The following MACF1 variants were observed in gnomAD, a reference collection of about 807,000 sequenced individuals.
MACF1 encodes microtubule-actin cross-linking factor 1.
In MACF1, 193 loss-of-function variants were observed where a neutral mutation model predicts 854.8. The observed-to-expected ratio is 0.23, with a 90% CI of 0.20 to 0.25. MACF1 has a LOEUF of 0.25. MACF1 is among the 10% of genes least tolerant of loss of function. MACF1 has a pLI of 1.00. For missense variants in MACF1, 7,722 were observed against 8,929.1 expected (o/e 0.86, Z 5.45); for synonymous variants, 3,185 against 3,226.7 (o/e 0.99, Z 0.44).
At position 39,428,049 on chromosome 1, in the gene MACF1, C is replaced by T; in HGVS notation, c.16565C>T (p.Ala5522Val). 6.2e-7 allele frequency: 1 copy of T among 1,614,234 alleles called. No homozygotes were observed. Among genetic ancestry groups the T allele is most frequent in the Non-Finnish European group, 8.5e-7 (1 of 1,180,028 alleles). ...TCCCTCTCCTCCCTGACATCTCCTG[C>T]AGAACAGGGTGTGCTGTCAGAAAAG... Reference protein sequence around the residue: ...GQSLSSLTSPAEQGVLSEKID... With the variant: ...GQSLSSLTSPVEQGVLSEKID... Residue 5522 changes from alanine (A) to valine (V), a missense_variant, in exon 63 of 101, where the codon GCA (alanine) becomes GTA (valine). Physicochemically the swap from Ala to Val is moderately conservative, Grantham distance 64. Around this residue, in one of 15 missense-constraint regions of MACF1, gnomAD observed 2,807 missense variants for 3,235.8 expected, o/e 0.87. Coordinates refer to ENST00000564288, the MANE Select transcript of MACF1 (RefSeq NM_001394062.1).
intron 53 of MACF1, among the ~76,000 whole-genome samples, 159 bp downstream of exon 53, chr1:39,378,682 G>A (rs190781843): frequency 7.2e-4 from 110 of 152,272 alleles, no homozygotes; most frequent in Middle Eastern, 3.4e-3. Flanking sequence ...GCTGGCTATA[G>A]ACCATAAACA....
At position 39,089,385 on chromosome 1, in the gene MACF1, G is replaced by A. The variant is rs140682331; in HGVS notation, c.220+4947G>A. On this transcript the variant is annotated intron_variant, in intron 2 of 93. Transcript: ENST00000361689. Reference sequence around the variant, plus strand: ...AAAGCATCTATGGGATTCATTCCTAGGAGTATCAGCAAATGCTGCTGAAAT... The same window carrying A: ...AAAGCATCTATGGGATTCATTCCTAAGAGTATCAGCAAATGCTGCTGAAAT... 5.9e-5 allele frequency among the ~76,000 whole-genome samples: 9 copies of A among 152,334 alleles called. No individual in the cohort carries two copies. The East Asian group carries it at 1.7e-3, about 29-fold the overall frequency.
chr1:39,440,415 C>G (rs535230080), intron 72 of MACF1, among the ~76,000 whole-genome samples: 1 of 152,176 alleles, frequency 6.6e-6, no homozygotes, highest in South Asian at 2.1e-4. Flanking sequence ...CCAGGAGTCT[C>G]TTTTTTACCA....
At chr1:39,121,434 G>GTTTTA (rs1029724635) in intron 2 of MACF1, among the ~76,000 whole-genome samples, 2 of 151,992 alleles carry the variant, frequency 1.3e-5, no homozygotes, top group African/African-American at 2.4e-5. Context: ...CGGGTATTTT[G>GTTTTA]TTTTATTTTA....
chr1:39,434,751 C>G (rs1179155266), intron 69 of MACF1, 119 bp downstream of exon 69: 5 of 783,860 alleles, frequency 6.4e-6, no homozygotes, highest in Non-Finnish European at 1.0e-5. Context: ...AATTCTTAAT[C>G]AGTTAGAATT....
chr1:39,328,977 A>G (rs1261087758), intron 36 of MACF1, among the ~76,000 whole-genome samples: 1 of 152,164 alleles, frequency 6.6e-6, no homozygotes, highest in Non-Finnish European at 1.5e-5. Flanking sequence ...TCTCAAAGGG[A>G]TGTTTTTCTT....
intron 2 of MACF1, among the ~76,000 whole-genome samples, chr1:39,108,033 A>C (rs550218426): frequency 1.3e-4 from 20 of 151,072 alleles, no homozygotes; most frequent in Non-Finnish European, 2.9e-4. Flanking sequence ...GTTTTCCAGA[A>C]CTGTGCTTGG....
At chr1:39,393,181 T>TAA (rs1192045357) in intron 58 of MACF1, among the ~76,000 whole-genome samples, 1,373 of 90,150 alleles carry the variant, frequency 0.015, 40 homozygotes, top group East Asian at 0.074. Flanking sequence ...CTGGGAAGGG[T>TAA]AAAAAAAAAA....
chr1:39,183,666 C>A (rs574044018), intron 2 of MACF1, among the ~76,000 whole-genome samples: 2 of 152,300 alleles, frequency 1.3e-5, no homozygotes, highest in East Asian at 3.9e-4. Context: ...CTGTGCCCTA[C>A]CTTAGTTCTT....
chr1:39,121,689 C>T (rs568977051), intron 2 of MACF1, among the ~76,000 whole-genome samples: 15 of 152,310 alleles, frequency 9.8e-5, no homozygotes, highest in African/African-American at 3.4e-4. Flanking sequence ...CTCAGGTAGT[C>T]CGCTCGTCTT....
intron 11 of MACF1, 79 bp from the exon 12 acceptor site, chr1:39,285,004 A>C: frequency 1.9e-6 from 3 of 1,552,878 alleles, no homozygotes; most frequent in Non-Finnish European, 1.8e-6. Context: ...AGAAGCAAGA[A>C]GTGATGTGCA....
chr1:39,356,575 A>T (rs1229345268), intron 44 of MACF1, among the ~76,000 whole-genome samples: 1 of 152,024 alleles, frequency 6.6e-6, no homozygotes, highest in East Asian at 1.9e-4. Context: ...GTTTCACCAT[A>T]TTGGCCAGGA....
At chr1:39,234,795 G>A (rs1439214139) in intron 2 of MACF1, among the ~76,000 whole-genome samples, 29 of 105,282 alleles carry the variant, frequency 2.8e-4, no homozygotes, top group Non-Finnish European at 3.5e-4. Context: ...CAGACGGGGC[G>A]GCCGGGCAGA....
intron 2 of MACF1, among the ~76,000 whole-genome samples, chr1:39,097,037 C>T (rs71642674): frequency 3.9e-5 from 6 of 151,904 alleles, no homozygotes; most frequent in Admixed American, 1.3e-4. Context: ...CCACCACGCC[C>T]GGCTAATTTT....
chr1:39,374,114 C>T (rs1368673537), intron 52 of MACF1, among the ~76,000 whole-genome samples: 1 of 150,868 alleles, frequency 6.6e-6, no homozygotes, highest in East Asian at 2.0e-4. Context: ...TGGTGGCTTG[C>T]GCCTGTAATC....
Position 39,332,698 on chromosome 1 carries a change from T to C in MACF1, c.6110T>C (p.Val2037Ala), listed in dbSNP as rs1181608258. 6.2e-7 allele frequency: 1 copy of C among 1,614,156 alleles called. No individual in the cohort carries two copies. Among genetic ancestry groups the C allele is most frequent in the African/African-American group, 1.3e-5 (1 of 75,036 alleles). ...ISGTFSSGWT[V>A]RLPEFQFSSQ... ...GGAACTTTCAGCAGTGGGTGGACTG[T>C]GAGGCTGCCTGAGTTCCAGTTTTCT... The change falls in exon 37 of 101, where the codon GTG becomes GCG. Residue 2037 changes from valine to alanine, a missense_variant. Physicochemically the swap from Val to Ala is moderately conservative, Grantham distance 64 (BLOSUM62 0). Coordinates refer to ENST00000564288, the MANE Select transcript of MACF1 (RefSeq NM_001394062.1).
intron 89 of MACF1, chr1:39,456,943 T>G (rs1644452552): frequency 6.6e-6 from 1 of 152,292 alleles, no homozygotes; most frequent in Admixed American, 6.5e-5. Flanking sequence ...TTCTGTGTCC[T>G]TTAATCTTTG....
rs1488670412 is a variant in MACF1, at chr1:39,409,619, A to G, written c.15817-12755A>G. 6.6e-6 allele frequency: 1 copy of G among 152,262 alleles called. No homozygotes were observed. Among genetic ancestry groups the G allele is most frequent in the Non-Finnish European group, 1.5e-5 (1 of 68,070 alleles). The allele number at this position is 152,262 out of a possible 1,614,324, so 9.4% of individuals were successfully genotyped here. On this transcript the variant is annotated intron_variant, in intron 58 of 100. Coordinates refer to ENST00000564288, the MANE Select transcript of MACF1 (RefSeq NM_001394062.1). This position sits in a 1 kb window ranked among gnomAD's most constrained non-coding sequence, Gnocchi z 4.2. ...TTGGCCTGGGAGCCACAACAATGCC[A>G]TGATGTTTTGGAGACAGGAAGCCCC...
At chr1:39,420,048 G>T (rs1419072300) in intron 58 of MACF1, among the ~76,000 whole-genome samples, 1 of 152,206 alleles carries the variant, frequency 6.6e-6, no homozygotes, top group African/African-American at 2.4e-5. Context: ...CAATAGTCCA[G>T]TAGAGTAACC....
Sources: gnomAD v4.1 joint callset for allele counts (sites outside exome capture counted in the v4.1 genomes callset) on GRCh38, gnomAD v4.1.1 for gene constraint, gnomAD v4.1.1 regional missense constraint, Gnocchi (gnomAD v3.1) non-coding constraint, MANE v1.5 for transcripts, NCBI Gene and HGNC (gene_info 2026-07-23, HGNC 2026-07-21) for gene names.